Variants in PCYT2 observed in about 807,000 individuals in gnomAD.
PCYT2 encodes the protein ethanolamine-phosphate cytidylyltransferase.
Under a neutral mutation model 50.0 loss-of-function variants are expected in PCYT2, and 33 were observed. That is an observed-to-expected ratio of 0.66 (90% CI 0.50 to 0.88). PCYT2 has a LOEUF of 0.88. Ranked by LOEUF, PCYT2 falls within the 40% of genes least tolerant of loss-of-function variation. PCYT2 has a pLI of 0.00. For synonymous variants in PCYT2, 240 were observed against 203.7 expected (o/e 1.18, Z -1.52); for missense variants, 430 against 519.7 (o/e 0.83, Z 1.68).
chr17:81,906,182 G>C lies in PCYT2; in HGVS notation c.760-5C>G, dbSNP rs199838421. The C allele has an allele frequency of 4.4e-6, 7 of 1,609,068 alleles. No individual in the cohort carries two copies. The highest frequency in any genetic ancestry group is 5.9e-6 in the Non-Finnish European group (7 of 1,177,516). On this transcript the variant is annotated splice_polypyrimidine_tract_variant and splice_region_variant and intron_variant, in intron 8 of 12. Transcript: ENST00000538936. Reference sequence around the variant, plus strand: ...CCCCTTGTAGTGATTGACCTCCTGCGGCCAGAGTGCGGCTAGCTCAGCCCG... The same window carrying C: ...CCCCTTGTAGTGATTGACCTCCTGCCGCCAGAGTGCGGCTAGCTCAGCCCG...
chr17:81,902,673 C>A lies in PCYT2; in HGVS notation c.*2160G>T. On this transcript the variant is annotated 3_prime_UTR_variant, in exon 13 of 13. Transcript: ENST00000538936. ...ACCTGCAGAGGTGCGAGCGGCTCCCCGACGGCCGCGGGACCTACCAGTGCA... is the reference window on the plus strand; with the variant it reads ...ACCTGCAGAGGTGCGAGCGGCTCCCAGACGGCCGCGGGACCTACCAGTGCA... 3 of 1,607,936 alleles carry A rather than the reference C, an allele frequency of 1.9e-6. No individual in the cohort carries two copies. The highest frequency in any genetic ancestry group is 2.5e-6 in the Non-Finnish European group (3 of 1,178,586).
At chr17:81,906,225 C>A in intron 8 of PCYT2, 48 bp from the exon 9 acceptor site, 2 of 1,508,892 alleles carry the variant, frequency 1.3e-6, no homozygotes, top group Admixed American at 1.9e-5. Flanking sequence ...TTTGGGGGGA[C>A]AGGGTGTGCC....
At chr17:81,905,641 G>A (rs745652920) in intron 10 of PCYT2, 29 bp downstream of exon 10, 3 of 1,603,238 alleles carry the variant, frequency 1.9e-6, no homozygotes, top group South Asian at 2.2e-5. Context: ...TGAACAGAGG[G>A]AACGAGGTGA....
rs1241171899 is a variant in PCYT2, at chr17:81,902,896, C to G, written c.*1937G>C. 1.4e-6 allele frequency: 1 copy of G among 698,010 alleles called. No individual in the cohort carries two copies. Among genetic ancestry groups the G allele is most frequent in the Non-Finnish European group, 2.2e-6 (1 of 450,958 alleles). 43.2% of individuals were successfully genotyped at this position (698,010 alleles called of 1,614,324 possible). A position where few individuals can be genotyped will look rare whatever the true frequency, so the allele number is the denominator to read the frequency against. On this transcript the variant is annotated 3_prime_UTR_variant, in exon 13 of 13. Coordinates refer to ENST00000538936, the MANE Select transcript of PCYT2 (RefSeq NM_002861.5). ...ATGGCAAACGAATAAATAAATGAGG[C>G]GGCCTCGGAGTGAGGGGTGCTGGAG...
chr17:81,911,169 C>A, intron 1 of PCYT2, 98 bp downstream of exon 1: 1 of 1,009,346 alleles, frequency 9.9e-7, no homozygotes, highest in Non-Finnish European at 1.2e-6. Flanking sequence ...AGGACGCCAC[C>A]CAGAACGCGG....
intron 4 of PCYT2, 127 bp from the exon 5 acceptor site, chr17:81,907,984 G>T: frequency 1.3e-6 from 1 of 745,954 alleles, no homozygotes; most frequent in Non-Finnish European, 2.2e-6. Context: ...AAGACTGAGG[G>T]TCCCCTTCCT....
intron 9 of PCYT2, 122 bp from the exon 10 acceptor site, chr17:81,905,857 C>A (rs1485939170): frequency 4.8e-6 from 5 of 1,041,906 alleles, no homozygotes; most frequent in Non-Finnish European, 7.5e-6. Context: ...CAGGGATGGG[C>A]TGGGCAGGCT....
At chr17:81,909,698 C>A in intron 1 of PCYT2, 96 bp from the exon 2 acceptor site, 1 of 907,184 alleles carries the variant, frequency 1.1e-6, no homozygotes. Flanking sequence ...CTGAGGACTC[C>A]TTAGGAAGCG....
chr17:81,905,335 G>A, intron 11 of PCYT2, 47 bp downstream of exon 11: 1 of 1,498,474 alleles, frequency 6.7e-7, no homozygotes. Flanking sequence ...ATGGCTGGGA[G>A]GTGCCAATGG....
chr17:81,904,726 T>C lies in PCYT2; in HGVS notation c.*107A>G. ...AAGGAGGCAGAGTCCTCACCAGCCC[T>C]TCCAGAGCCAGGCCAGTTAGAGAGG... On this transcript the variant is annotated 3_prime_UTR_variant, in exon 13 of 13. Transcript: ENST00000538936. 8.2e-6 allele frequency: 6 copies of C among 731,498 alleles called. No homozygotes were observed. The South Asian group carries it at 9.3e-5, about 11-fold the overall frequency. The allele number at this position is 731,498 out of a possible 1,614,324, so 45.3% of individuals were successfully genotyped here. A position where few individuals can be genotyped will look rare whatever the true frequency, so the allele number is the denominator to read the frequency against.
chr17:81,906,180 G>A lies in PCYT2; in HGVS notation c.760-3C>T. 6.2e-7 allele frequency: 1 copy of A among 1,610,038 alleles called. No individual in the cohort carries two copies. The highest frequency in any genetic ancestry group is 1.1e-5 in the South Asian group (1 of 90,466). On this transcript the variant is annotated splice_polypyrimidine_tract_variant and splice_region_variant and intron_variant, in intron 8 of 12. Transcript: ENST00000538936. ...TTCCCCTTGTAGTGATTGACCTCCT[G>A]CGGCCAGAGTGCGGCTAGCTCAGCC...
chr17:81,907,536 C>G lies in PCYT2; in HGVS notation c.537+18G>C, dbSNP rs1259337758. The stretch of plus-strand genomic sequence containing the variant: ...CCTGCAGCTGCGTGCTCAGCTCTCC[C>G]TGCACAGCCGCACTCACCTTGCCAA... On this transcript the variant is annotated intron_variant, in intron 6 of 12. Transcript: ENST00000538936. 1 of 1,603,746 alleles carries G rather than the reference C, an allele frequency of 6.2e-7. No individual in the cohort carries two copies. Among genetic ancestry groups the G allele is most frequent in the Non-Finnish European group, 8.5e-7 (1 of 1,175,902 alleles).
Position 81,904,567 on chromosome 17 carries a change from C to T in PCYT2, c.*266G>A, listed in dbSNP as rs2040133631. 4 of 461,100 alleles carry T rather than the reference C, an allele frequency of 8.7e-6. No individual in the cohort carries two copies. Among genetic ancestry groups the T allele is most frequent in the South Asian group, 3.5e-5 (1 of 28,516 alleles). The allele number at this position is 461,100 out of a possible 1,614,324, so 28.6% of individuals were successfully genotyped here. A position where few individuals can be genotyped will look rare whatever the true frequency, so the allele number is the denominator to read the frequency against. On this transcript the variant is annotated 3_prime_UTR_variant, in exon 13 of 13. Transcript: ENST00000538936. Reference sequence around the variant, plus strand: ...GACCAGGTGGGGGCGCACGCAGGAGCGGTGCGTTTCAGGCTGCAGGTGCCG... The same window carrying T: ...GACCAGGTGGGGGCGCACGCAGGAGTGGTGCGTTTCAGGCTGCAGGTGCCG...
Position 81,911,350 on chromosome 17 carries a change from G to C in PCYT2, c.6C>G (p.Ile2Met). Reference protein sequence around the residue: MIRNGRGAAGGA... With the variant: MMRNGRGAAGGA... ...CGCCTGCAGCCCCGCGCCCGTTCCG[G>C]ATCATGGCCCCGCAGCGGCGGCGCG... Residue 2 changes from isoleucine (I) to methionine (M), a missense_variant, in exon 1 of 13, where the codon ATC becomes ATG. Around this residue, in one of 4 missense-constraint regions of PCYT2, gnomAD observed 63 missense variants for 37.5 expected, o/e 1.68. Transcript: ENST00000538936. The C allele has an allele frequency of 9.3e-7, 1 of 1,076,756 alleles. No individual in the cohort carries two copies. The highest frequency in any genetic ancestry group is 1.1e-6 in the Non-Finnish European group (1 of 885,506). The allele number at this position is 1,076,756 out of a possible 1,614,324, so 66.7% of individuals were successfully genotyped here.
In PCYT2 at chr17:81,902,154, G is replaced by C; in HGVS notation, c.*2679C>G. Reference sequence around the variant, plus strand: ...CTCCGCGCGCGCCCGCTGCACCCCAGCCCGCCCGCCGCCCCTCCCGGCCCT... The same window carrying C: ...CTCCGCGCGCGCCCGCTGCACCCCACCCCGCCCGCCGCCCCTCCCGGCCCT... On this transcript the variant is annotated 3_prime_UTR_variant, in exon 13 of 13. Coordinates refer to ENST00000538936, the MANE Select transcript of PCYT2 (RefSeq NM_002861.5). 1.1e-6 allele frequency: 1 copy of C among 941,398 alleles called. No individual in the cohort carries two copies. Among genetic ancestry groups the C allele is most frequent in the Non-Finnish European group, 1.4e-6 (1 of 738,464 alleles). 58.3% of individuals were successfully genotyped at this position (941,398 alleles called of 1,614,324 possible).
chr17:81,905,635 C>G, intron 10 of PCYT2, 35 bp downstream of exon 10: 1 of 1,600,288 alleles, frequency 6.2e-7, no homozygotes, highest in Non-Finnish European at 8.6e-7. Flanking sequence ...CAGAGGTGAA[C>G]AGAGGGAACG....
In PCYT2 at chr17:81,902,900, C is replaced by T; in HGVS notation, c.*1933G>A. ...CAAACGAATAAATAAATGAGGCGGC[C>T]TCGGAGTGAGGGGTGCTGGAGGACT... On this transcript the variant is annotated 3_prime_UTR_variant, in exon 13 of 13. Coordinates refer to ENST00000538936, the MANE Select transcript of PCYT2 (RefSeq NM_002861.5). 1.5e-6 allele frequency: 1 copy of T among 676,950 alleles called. No homozygotes were observed. Among genetic ancestry groups the T allele is most frequent in the Non-Finnish European group, 2.3e-6 (1 of 431,830 alleles). The allele number at this position is 676,950 out of a possible 1,614,324, so 41.9% of individuals were successfully genotyped here.
intron 2 of PCYT2, 118 bp from the exon 3 acceptor site, chr17:81,909,155 T>C (rs1056305545): frequency 1.3e-6 from 2 of 1,504,232 alleles, no homozygotes. Flanking sequence ...GCAGGCTGTC[T>C]CTCTACCCTG....
rs753405925 is a variant in PCYT2, at chr17:81,906,425, T to C, written c.759+39A>G. 3.1e-6 allele frequency: 5 copies of C among 1,590,450 alleles called. No individual in the cohort carries two copies. The African/African-American group carries it at 6.7e-5, about 21-fold the overall frequency. ...ACGCTTAGGGCCCCTCGAGGGCCCA[T>C]CAGCTGCCCAGGGGCCCAGGGAGCA... On this transcript the variant is annotated intron_variant, in intron 8 of 12. Coordinates refer to ENST00000538936, the MANE Select transcript of PCYT2 (RefSeq NM_002861.5).
Sources: allele counts gnomAD v4.1 joint callset, GRCh38; gene constraint gnomAD v4.1.1; regional missense constraint gnomAD v4.1.1; transcripts MANE v1.5; gene names NCBI Gene and HGNC (gene_info 2026-07-23, HGNC 2026-07-21).